Variants in CHRNB3 observed in about 807,000 individuals in gnomAD.
The protein encoded by CHRNB3 is neuronal acetylcholine receptor subunit beta-3.
A neutral mutation model predicts 40.6 loss-of-function variants in CHRNB3; 37 were observed. That is an observed-to-expected ratio of 0.91 (90% CI 0.70 to 1.20). CHRNB3 has a LOEUF of 1.20. Ranked by LOEUF, CHRNB3 falls within the 50% of genes most tolerant of loss-of-function variation. The pLI is 0.00. For missense variants in CHRNB3, 505 were observed against 551.2 expected (o/e 0.92, Z 0.84); for synonymous variants, 207 against 207.1 (o/e 1.00, Z 0.00).
intron 3 of CHRNB3, among the ~76,000 whole-genome samples, chr8:42,720,111 C>CTTTTTTTTTTTTTTTTTTTTTTTTTTTTT (rs869178430): frequency 2.1e-5 from 1 of 48,746 alleles, no homozygotes; most frequent in African/African-American, 8.9e-5. Context: ...CAGAAGCCTT[C>CTTTTTTTTTTTTTTTTTTTTTTTTTTTTT]TTTTTTTTTT....
intron 4 of CHRNB3, among the ~76,000 whole-genome samples, chr8:42,731,058 A>AAATAAATG (rs1213180954): frequency 6.4e-4 from 1 of 1,556 alleles, no homozygotes; most frequent in East Asian, 0.5. Context: ...CCGTCTCAAA[A>AAATAAATG]AATAAATAAA....
chr8:42,710,508 A>C (rs1185202039), intron 3 of CHRNB3, 74 bp downstream of exon 3: 1 of 1,198,048 alleles, frequency 8.3e-7, no homozygotes, highest in South Asian at 1.3e-5. Context: ...CCTATCTGAA[A>C]AACAATTATT....
rs562040336 is a variant in CHRNB3, at chr8:42,701,490, C to T, written c.52+3892C>T. 1.4e-3 allele frequency among the ~76,000 whole-genome samples: 207 copies of T among 152,024 alleles called. 4 individuals carry two copies. Among genetic ancestry groups the T allele is most frequent in the Middle Eastern group, 0.01 (3 of 294 alleles). ...GCCCAGGAGGTTGAGGCTGCAGTGA[C>T]CCATGATCATGCCACTGCACCCCAG... On this transcript the variant is annotated intron_variant, in intron 1 of 5. Transcript: ENST00000289957.
intron 3 of CHRNB3, among the ~76,000 whole-genome samples, chr8:42,725,066 T>C (rs1816283060): frequency 6.6e-6 from 1 of 151,618 alleles, no homozygotes; most frequent in Admixed American, 6.6e-5. Context: ...CATAAGCTAC[T>C]GTCTTTTCTT....
chr8:42,719,078 A>G (rs576550191), intron 3 of CHRNB3, among the ~76,000 whole-genome samples: 3 of 152,294 alleles, frequency 2.0e-5, no homozygotes, highest in Non-Finnish European at 4.4e-5. Flanking sequence ...CACACTATGC[A>G]AACATGGAAT....
Position 42,731,700 on chromosome 8 carries a change from C to CA in CHRNB3, c.395dup (p.Val133GlyfsTer45), listed in dbSNP as rs1383598647. The CA allele has an allele frequency of 1.9e-6, 3 of 1,612,836 alleles. No homozygotes were observed. Among genetic ancestry groups the CA allele is most frequent in the Non-Finnish European group, 2.5e-6 (3 of 1,179,366 alleles). ...GCCGCTTCGAAGGCTCCCTGATGACCAAGGTCATCGTGAAATCAAACGGAA... is the reference window on the plus strand; with the variant it reads ...GCCGCTTCGAAGGCTCCCTGATGACCAAAGGTCATCGTGAAATCAAACGGAA... On this transcript the variant is annotated frameshift_variant, in exon 5 of 6. Coordinates refer to ENST00000289957, the MANE Select transcript of CHRNB3 (RefSeq NM_000749.5). LOFTEE classifies it high-confidence loss of function.
chr8:42,713,594 G>A (rs1477218379), intron 3 of CHRNB3, among the ~76,000 whole-genome samples: 1 of 152,174 alleles, frequency 6.6e-6, no homozygotes, highest in East Asian at 1.9e-4. Context: ...TTGTAGTGGT[G>A]AAGTCTAGGC....
intron 3 of CHRNB3, among the ~76,000 whole-genome samples, chr8:42,722,701 A>C (rs1816240533): frequency 6.6e-6 from 1 of 152,148 alleles, no homozygotes; most frequent in African/African-American, 2.4e-5. Flanking sequence ...AGTTGGGACC[A>C]CAGACACACA....
intron 1 of CHRNB3, 145 bp from the exon 2 acceptor site, chr8:42,708,572 C>A: frequency 1.3e-6 from 1 of 775,486 alleles, no homozygotes; most frequent in Non-Finnish European, 2.1e-6. Flanking sequence ...CTCTTGCATG[C>A]TCCAAGTTGC....
intron 1 of CHRNB3, chr8:42,705,584 A>G (rs1326398429): frequency 6.6e-6 from 1 of 152,320 alleles, no homozygotes; most frequent in East Asian, 1.9e-4. Flanking sequence ...CCAGATGCTC[A>G]TGATCTTGGA....
At chr8:42,704,762 C>T (rs1320832929) in intron 1 of CHRNB3, among the ~76,000 whole-genome samples, 1 of 152,064 alleles carries the variant, frequency 6.6e-6, no homozygotes. Flanking sequence ...TGCCTCCATC[C>T]ATTGTGAGAT....
intron 3 of CHRNB3, among the ~76,000 whole-genome samples, chr8:42,717,054 C>T (rs1816121421): frequency 6.6e-6 from 1 of 151,974 alleles, no homozygotes; most frequent in South Asian, 2.1e-4. Flanking sequence ...TGGATAGACC[C>T]CTGGAGCTGA....
At chr8:42,702,223 C>G (rs1375237028) in intron 1 of CHRNB3, among the ~76,000 whole-genome samples, 1 of 152,146 alleles carries the variant, frequency 6.6e-6, no homozygotes, top group Non-Finnish European at 1.5e-5. Flanking sequence ...CGCTCTCTGC[C>G]TCTCCATCTT....
chr8:42,712,241 C>T (rs1411748273), intron 3 of CHRNB3, among the ~76,000 whole-genome samples: 5 of 152,306 alleles, frequency 3.3e-5, no homozygotes, highest in Middle Eastern at 3.4e-3. Flanking sequence ...GATCTGCTCA[C>T]CTCGGCCTCC....
intron 3 of CHRNB3, among the ~76,000 whole-genome samples, chr8:42,716,487 C>G (rs912034272): frequency 3.3e-5 from 5 of 152,142 alleles, no homozygotes; most frequent in African/African-American, 4.8e-5. Context: ...ACAGCGGCAG[C>G]AGAGATACTG....
rs955578941 is a variant in CHRNB3 at position 42,736,834 on chromosome 8, C to A, written c.*216C>A. On this transcript the variant is annotated 3_prime_UTR_variant, in exon 6 of 6. Transcript: ENST00000289957. ...TAAAGAAAGTGGAGCCTCCTCAGAC[C>A]CCTGCCTTGGCTTTCCCAGACATTC... The A allele has an allele frequency of 5.0e-6, 3 of 598,908 alleles. No individual in the cohort carries two copies. The highest frequency in any genetic ancestry group is 8.7e-6 in the Non-Finnish European group (3 of 345,652). 37.1% of individuals were successfully genotyped at this position (598,908 alleles called of 1,614,324 possible). A position where few individuals can be genotyped will look rare whatever the true frequency, so the allele number is the denominator to read the frequency against.
intron 3 of CHRNB3, among the ~76,000 whole-genome samples, chr8:42,727,233 C>T (rs1442361087): frequency 3.3e-5 from 5 of 151,750 alleles, no homozygotes; most frequent in South Asian, 4.2e-4. Context: ...ATTAGCCGGG[C>T]GTGGTGGCAC....
chr8:42,733,279 G>T (rs1316342551), intron 5 of CHRNB3, among the ~76,000 whole-genome samples: 1 of 151,876 alleles, frequency 6.6e-6, no homozygotes, highest in Non-Finnish European at 1.5e-5. Context: ...GGGCAATAAA[G>T]CAAGACCCTC....
intron 1 of CHRNB3, among the ~76,000 whole-genome samples, chr8:42,706,337 G>T (rs1815921205): frequency 6.6e-6 from 1 of 152,152 alleles, no homozygotes; most frequent in Non-Finnish European, 1.5e-5. Flanking sequence ...GACTTAGGAT[G>T]ATTCTTTCTG....
Sources: allele counts gnomAD v4.1 joint callset (sites outside exome capture counted in the v4.1 genomes callset), GRCh38; gene constraint gnomAD v4.1.1; transcripts MANE v1.5; gene names NCBI Gene and HGNC (gene_info 2026-07-23, HGNC 2026-07-21).